RARB: variants seen among roughly 807,000 people sequenced by gnomAD.
RARB encodes the protein HBV-activated protein.
RARB carries 17 observed loss-of-function variants against 51.9 expected under a neutral mutation model. The ratio of observed to expected loss-of-function variants is 0.33; its 90% CI spans 0.22 to 0.49. The LOEUF (loss-of-function observed/expected upper bound fraction) is 0.49. RARB is among the 20% of genes least tolerant of loss of function. The pLI, the probability that RARB is intolerant of heterozygous loss-of-function variation, is 0.99. For synonymous variants in RARB, 215 were observed against 195.4 expected, an observed-to-expected ratio of 1.10 and a Z score of -0.84; for missense variants, 369 against 550.8, an observed-to-expected ratio of 0.67 and a Z score of 3.30.
intron 4 of RARB, among the ~76,000 whole-genome samples, chr3:25,577,522 T>C (rs1460182407): frequency 6.6e-6 from 1 of 152,158 alleles, no homozygotes; most frequent in African/African-American, 2.4e-5. Context: ...CTTCCATGGA[T>C]ATACCCAACA....
chr3:25,038,872 G>A (rs1379644511), intron 2 of RARB, among the ~76,000 whole-genome samples: 1 of 152,182 alleles, frequency 6.6e-6, no homozygotes, highest in Non-Finnish European at 1.5e-5. Flanking sequence ...AACCTCTGTT[G>A]TTTTAAGTAA....
chr3:25,333,422 G>A (rs1425959092), intron 5 of RARB, among the ~76,000 whole-genome samples: 1 of 152,098 alleles, frequency 6.6e-6, no homozygotes. Context: ...AACAAGAAAT[G>A]GGGAAAGGAT....
intron 5 of RARB, among the ~76,000 whole-genome samples, chr3:25,366,986 AGAAAG>A: frequency 6.6e-6 from 1 of 152,126 alleles, no homozygotes; most frequent in Non-Finnish European, 1.5e-5. Context: ...TTTGGATTGA[AGAAAG>A]GAGAGGAAAG....
intron 2 of RARB, among the ~76,000 whole-genome samples, chr3:24,865,001 A>G (rs116183338): frequency 0.029 from 4,343 of 152,294 alleles, 99 homozygotes; most frequent in Middle Eastern, 0.061. Flanking sequence ...CTAAATAGGT[A>G]TTAAATCTCT....
At chr3:25,355,725 CA>C (rs984306238) in intron 5 of RARB, among the ~76,000 whole-genome samples, 2 of 151,986 alleles carry the variant, frequency 1.3e-5, no homozygotes, top group African/African-American at 2.4e-5. Flanking sequence ...ACATTGTGAC[CA>C]CAGCATTTTC....
chr3:25,375,226 C>A (rs1478982068), intron 5 of RARB, among the ~76,000 whole-genome samples: 2 of 152,174 alleles, frequency 1.3e-5, no homozygotes, highest in African/African-American at 2.4e-5. Context: ...AAATACAGGA[C>A]CCTATGCATA....
chr3:25,039,413 C>T (rs770217746), intron 2 of RARB, among the ~76,000 whole-genome samples: 5 of 152,112 alleles, frequency 3.3e-5, no homozygotes, highest in Middle Eastern at 3.2e-3. Flanking sequence ...AAGAAGTTTA[C>T]GGTTCAAATG....
chr3:24,842,199 A>G (rs1012426973), intron 1 of RARB, among the ~76,000 whole-genome samples: 2 of 152,186 alleles, frequency 1.3e-5, no homozygotes, highest in Non-Finnish European at 2.9e-5. Flanking sequence ...GATTATTTTC[A>G]TTTTTTGGGT....
intron 2 of RARB, among the ~76,000 whole-genome samples, chr3:25,054,450 C>T (rs982462256): frequency 1.5e-4 from 23 of 152,160 alleles, no homozygotes; most frequent in Admixed American, 1.0e-3. Context: ...TGGGGAGGTC[C>T]GCAGGAGAGC....
chr3:25,381,198 A>C (rs540118472), intron 5 of RARB, among the ~76,000 whole-genome samples: 1 of 152,222 alleles, frequency 6.6e-6, no homozygotes, highest in Admixed American at 6.5e-5. Flanking sequence ...GACCAAGGCT[A>C]ACGTCAGACA....
intron 3 of RARB, among the ~76,000 whole-genome samples, chr3:25,108,563 C>A (rs1176889401): frequency 6.6e-6 from 1 of 152,068 alleles, no homozygotes; most frequent in Non-Finnish European, 1.5e-5. Context: ...GGTTAGGACT[C>A]AGTCGCGTGG....
Position 25,412,362 on chromosome 3 carries a change from T to G in RARB, c.179-48831T>G, listed in dbSNP as rs115347779. Among the ~76,000 whole-genome samples, 678 of 152,302 alleles carry G rather than the reference T, an allele frequency of 4.5e-3. 7 individuals are homozygous for G. The highest frequency in any genetic ancestry group is 0.016 in the African/African-American group (655 of 41,574). ...CAAGGGGGCCTAGTTATATAGATAT[T>G]GGCATGCAGTTTCATCCAAATGCTC... On this transcript the variant is annotated intron_variant, in intron 5 of 11. Coordinates refer to the RARB transcript ENST00000383772.
chr3:25,260,565 C>G (rs1039763999), intron 5 of RARB, among the ~76,000 whole-genome samples: 2 of 152,082 alleles, frequency 1.3e-5, no homozygotes, highest in Non-Finnish European at 2.9e-5. Context: ...AGAAACAAAT[C>G]AGAATTGAGC....
At chr3:25,513,474 G>T (rs1241786909) in intron 3 of RARB, among the ~76,000 whole-genome samples, 1 of 152,060 alleles carries the variant, frequency 6.6e-6, no homozygotes, top group East Asian at 1.9e-4. Context: ...AAAACATTAG[G>T]TCTTATTGAT....
intron 5 of RARB, among the ~76,000 whole-genome samples, chr3:25,283,461 C>T (rs1372010101): frequency 6.6e-6 from 1 of 152,180 alleles, no homozygotes; most frequent in Admixed American, 6.5e-5. Context: ...TCTTCAGTTC[C>T]TCTGTATCTC....
intron 2 of RARB, among the ~76,000 whole-genome samples, chr3:24,929,590 C>T (rs922280637): frequency 3.3e-5 from 5 of 152,068 alleles, no homozygotes; most frequent in African/African-American, 1.2e-4. Flanking sequence ...AGTCTCCTTA[C>T]GTAATTATAA....
chr3:25,548,511 G>C (rs2125664451), intron 3 of RARB, among the ~76,000 whole-genome samples: 1 of 152,162 alleles, frequency 6.6e-6, no homozygotes, highest in Middle Eastern at 3.4e-3. Flanking sequence ...GCAGTGCCAA[G>C]GGAAGGTCTT....
chr3:25,514,665 G>T lies in RARB; in HGVS notation c.448+13342G>T, dbSNP rs190987389. Among the ~76,000 whole-genome samples, 82 of 152,198 alleles carry T rather than the reference G, an allele frequency of 5.4e-4. No individual in the cohort carries two copies. In the East Asian group the frequency reaches 0.016, roughly 29 times the overall value. On this transcript the variant is annotated intron_variant, in intron 3 of 7. Coordinates refer to ENST00000330688, the MANE Select transcript of RARB (RefSeq NM_000965.5). The stretch of plus-strand genomic sequence containing the variant: ...TGGTCTGACTTCTAAACAATATTTT[G>T]GTTTAGCAACATTGTTTAAATCTTA...
intron 5 of RARB, among the ~76,000 whole-genome samples, chr3:25,262,592 C>G (rs747903330): frequency 1.3e-5 from 2 of 152,136 alleles, no homozygotes; most frequent in African/African-American, 4.8e-5. Context: ...CCTTCATCTT[C>G]AAGTCCAGCA....
Sources: gnomAD v4.1 joint callset for allele counts (sites outside exome capture counted in the v4.1 genomes callset) on GRCh38, gnomAD v4.1.1 for gene constraint, MANE v1.5 for transcripts, NCBI Gene and HGNC (gene_info 2026-07-23, HGNC 2026-07-21) for gene names.